The following ARHGAP39 variants were observed in gnomAD, a reference collection of about 807,000 sequenced individuals.
The protein encoded by ARHGAP39 is rho GTPase-activating protein 39.
In ARHGAP39, 44 loss-of-function variants were observed where a neutral mutation model predicts 106.9. The ratio of observed to expected loss-of-function variants is 0.41; its 90% CI spans 0.32 to 0.53. The LOEUF (loss-of-function observed/expected upper bound fraction) is 0.53. ARHGAP39 is among the 20% of genes least tolerant of loss of function. The pLI is 0.21. For synonymous variants in ARHGAP39, 768 were observed against 693.2 expected (o/e 1.11, Z -1.69); for missense variants, 1,496 against 1,577.3 (o/e 0.95, Z 0.87).
intron 2 of ARHGAP39, among the ~76,000 whole-genome samples, chr8:144,602,725 C>A (rs1376994107): frequency 1.0e-5 from 1 of 95,780 alleles, no homozygotes; most frequent in African/African-American, 4.2e-5. Context: ...CGCTCGTGTA[C>A]CTGTGTGTGT....
intron 1 of ARHGAP39, among the ~76,000 whole-genome samples, chr8:144,623,482 G>C (rs1305386080): frequency 1.3e-5 from 2 of 152,238 alleles, no homozygotes; most frequent in African/African-American, 4.8e-5. Flanking sequence ...AAGAGACAGA[G>C]CTGATGCGGC....
rs1817482285 is a variant in ARHGAP39 at position 144,547,423 on chromosome 8, C to G, written c.1663G>C (p.Ala555Pro). 12 of 1,590,482 alleles carry G rather than the reference C, an allele frequency of 7.5e-6. No homozygotes were observed. The Admixed American group carries it at 2.0e-4, about 27-fold the overall frequency. The change falls in exon 5 of 12, where the codon GCG (alanine) becomes CCG (proline). Residue 555 changes from alanine to proline, a missense_variant. Physicochemically the swap from Ala to Pro is conservative, Grantham distance 27. Around this residue, in one of 4 missense-constraint regions of ARHGAP39, gnomAD observed 905 missense variants for 816.4 expected, o/e 1.11. Coordinates refer to ENST00000377307, the MANE Select transcript of ARHGAP39 (RefSeq NM_025251.3). This position sits in a 1 kb window ranked among gnomAD's most constrained non-coding sequence, Gnocchi z 5.2. Reference protein sequence around the residue: ...GARGAAEPFLAQARLAWEAQQ... With the variant: ...GARGAAEPFLPQARLAWEAQQ... ...GCCTCCCAGGCCAGCCGAGCCTGCGCCAGGAAGGGCTCGGCCGCGCCCCGC... is the reference window on the plus strand; with the variant it reads ...GCCTCCCAGGCCAGCCGAGCCTGCGGCAGGAAGGGCTCGGCCGCGCCCCGC...
At chr8:144,666,685 C>T (rs555481672) in intron 1 of ARHGAP39, among the ~76,000 whole-genome samples, 9 of 152,336 alleles carry the variant, frequency 5.9e-5, no homozygotes, top group African/African-American at 2.2e-4. Context: ...TGAGGGCTCC[C>T]CAGCCATGTG....
chr8:144,643,298 C>T (rs920886710), intron 1 of ARHGAP39, among the ~76,000 whole-genome samples: 1 of 151,780 alleles, frequency 6.6e-6, no homozygotes, highest in Non-Finnish European at 1.5e-5. Context: ...CCTGTCTCTA[C>T]AAAAAAATTG....
intron 1 of ARHGAP39, among the ~76,000 whole-genome samples, chr8:144,675,287 C>T (rs530588007): frequency 1.3e-5 from 2 of 152,290 alleles, no homozygotes; most frequent in Admixed American, 1.3e-4. Flanking sequence ...GGCTACAGAG[C>T]AGTGGCATGA....
chr8:144,581,520 G>T (rs534815010), intron 2 of ARHGAP39, among the ~76,000 whole-genome samples: 1 of 152,240 alleles, frequency 6.6e-6, no homozygotes, highest in Non-Finnish European at 1.5e-5. Flanking sequence ...GGCCCCACGT[G>T]GGGTAGGGAC....
At chr8:144,535,289 G>A (rs1353326077) in intron 7 of ARHGAP39, among the ~76,000 whole-genome samples, 1 of 152,244 alleles carries the variant, frequency 6.6e-6, no homozygotes, top group African/African-American at 2.4e-5. Flanking sequence ...ACATGTGACT[G>A]CTAAGGAGAC....
chr8:144,601,820 CGT>C (rs775716201), intron 2 of ARHGAP39, among the ~76,000 whole-genome samples: 23 of 118,360 alleles, frequency 1.9e-4, no homozygotes, highest in East Asian at 2.8e-4. Flanking sequence ...TGTGTGGAGG[CGT>C]GTGTGCTCGT....
intron 1 of ARHGAP39, among the ~76,000 whole-genome samples, chr8:144,620,507 A>G (rs11994914): frequency 9.9e-5 from 11 of 111,554 alleles, no homozygotes; most frequent in East Asian, 3.4e-4. Context: ...CCAAGGGAGC[A>G]CGTGTGCCCG....
chr8:144,584,192 A>C (rs1819101571), intron 2 of ARHGAP39: 2 of 152,196 alleles, frequency 1.3e-5, no homozygotes, highest in Non-Finnish European at 2.9e-5. Flanking sequence ...TAATCCCAGC[A>C]ATTTGGGAAG....
chr8:144,657,053 T>C (rs576228064), intron 1 of ARHGAP39, among the ~76,000 whole-genome samples: 2 of 152,162 alleles, frequency 1.3e-5, no homozygotes, highest in South Asian at 4.2e-4. Flanking sequence ...CCAAGGTGAC[T>C]GCACTGGTGA....
intron 1 of ARHGAP39, among the ~76,000 whole-genome samples, chr8:144,608,879 GA>G (rs1274152206): frequency 3.3e-5 from 5 of 151,964 alleles, no homozygotes; most frequent in Admixed American, 2.6e-4. Context: ...TGCTAATACA[GA>G]AAAAAATGTT....
chr8:144,606,019 T>C lies in ARHGAP39; in HGVS notation c.-81-324A>G, dbSNP rs1243056307. 2.0e-5 allele frequency among the ~76,000 whole-genome samples: 3 copies of C among 152,142 alleles called. No individual in the cohort carries two copies. In the East Asian group the frequency reaches 5.8e-4, roughly 29 times the overall value. On this transcript the variant is annotated intron_variant, in intron 1 of 11. Coordinates refer to ENST00000377307, the MANE Select transcript of ARHGAP39 (RefSeq NM_025251.3). The stretch of plus-strand genomic sequence containing the variant: ...CAAGCATGGGGGGACCGTGGGACCG[T>C]AGGACTGGAGGACTGGGAGGAGGGC...
At chr8:144,687,826 C>T (rs993961337), upstream of ARHGAP39, among the ~76,000 whole-genome samples, 8 of 145,774 alleles carry the variant, frequency 5.5e-5, 1 homozygote, top group Admixed American at 2.7e-4. Flanking sequence ...TGAGCACTTC[C>T]CACCCCCGTG....
chr8:144,556,427 G>C (rs890129191), intron 3 of ARHGAP39, among the ~76,000 whole-genome samples: 1 of 152,100 alleles, frequency 6.6e-6, no homozygotes, highest in Non-Finnish European at 1.5e-5. Flanking sequence ...TGATCAAACC[G>C]ATAAGTATTT....
chr8:144,537,326 C>T (rs574660069), intron 7 of ARHGAP39, among the ~76,000 whole-genome samples: 9 of 151,826 alleles, frequency 5.9e-5, no homozygotes, highest in African/African-American at 9.7e-5. Flanking sequence ...CAGCCCTGGG[C>T]GGGAAGACAG....
chr8:144,594,180 CCAATCTACATTAAAAGACGCT>C (rs1215573343), intron 2 of ARHGAP39, among the ~76,000 whole-genome samples: 2 of 151,838 alleles, frequency 1.3e-5, no homozygotes, highest in Non-Finnish European at 2.9e-5. Context: ...ATGCAGATGG[CCAATCTACATTAAAAGACGCT>C]CGTGATCATT....
chr8:144,561,221 C>G (rs544581038), intron 3 of ARHGAP39, among the ~76,000 whole-genome samples: 1 of 152,178 alleles, frequency 6.6e-6, no homozygotes, highest in Non-Finnish European at 1.5e-5. Context: ...GTTTCCATCA[C>G]ACTCCAGTGG....
At chr8:144,686,019 G>A (rs1822581882), upstream of ARHGAP39, among the ~76,000 whole-genome samples, 1 of 151,384 alleles carries the variant, frequency 6.6e-6, no homozygotes, top group Admixed American at 6.6e-5. Flanking sequence ...CGGCATGCTG[G>A]GAGCCGCCTG....
Sources: allele counts gnomAD v4.1 joint callset (sites outside exome capture counted in the v4.1 genomes callset), GRCh38; gene constraint gnomAD v4.1.1; regional missense constraint gnomAD v4.1.1; non-coding constraint Gnocchi (gnomAD v3.1); transcripts MANE v1.5; gene names NCBI Gene and HGNC (gene_info 2026-07-23, HGNC 2026-07-21).